Variants in RBFOX1 observed in about 807,000 individuals in gnomAD.
RBFOX1 encodes RNA binding protein fox-1 homolog 1.
RBFOX1 carries 8 observed loss-of-function variants against 57.7 expected under a neutral mutation model. The ratio of observed to expected loss-of-function variants is 0.14; its 90% CI spans 0.08 to 0.25. RBFOX1 has a LOEUF of 0.25. Among genes scored for constraint, RBFOX1 ranks in the 10% least tolerant of loss-of-function variants. The pLI is 1.00. For synonymous variants in RBFOX1, 326 were observed against 222.4 expected (o/e 1.47, Z -4.15); for missense variants, 611 against 548.5 (o/e 1.11, Z -1.14).
chr16:7,499,283 T>C (rs2069807053), intron 4 of RBFOX1, among the ~76,000 whole-genome samples: 3 of 152,186 alleles, frequency 2.0e-5, no homozygotes, highest in Admixed American at 2.0e-4. Context: ...CCCATTCATC[T>C]TCAGATGGTA....
intron 4 of RBFOX1, among the ~76,000 whole-genome samples, chr16:5,919,008 T>C (rs892354661): frequency 7.9e-5 from 12 of 152,182 alleles, no homozygotes; most frequent in Admixed American, 5.9e-4. Flanking sequence ...GCTGTGACCA[T>C]GGGATAATTT....
intron 3 of RBFOX1, among the ~76,000 whole-genome samples, chr16:6,932,733 G>T (rs910023954): frequency 2.6e-5 from 4 of 152,132 alleles, no homozygotes; most frequent in Non-Finnish European, 4.4e-5. Context: ...TTTTTGAGTT[G>T]TGTGAAATAA....
intron 2 of RBFOX1, among the ~76,000 whole-genome samples, chr16:5,518,752 A>G (rs1317509752): frequency 1.3e-5 from 2 of 152,158 alleles, no homozygotes; most frequent in Admixed American, 6.6e-5. Flanking sequence ...CCTGTCCTGC[A>G]TGAGGCACAA....
intron 3 of RBFOX1, among the ~76,000 whole-genome samples, chr16:5,659,377 C>T (rs1477399037): frequency 6.7e-6 from 1 of 150,168 alleles, no homozygotes; most frequent in East Asian, 2.0e-4. Flanking sequence ...CATCCCCGCT[C>T]ACTGCAACCT....
intron 1 of RBFOX1, among the ~76,000 whole-genome samples, chr16:6,263,683 C>T (rs1443612574): frequency 6.6e-6 from 1 of 152,218 alleles, no homozygotes; most frequent in East Asian, 1.9e-4. Flanking sequence ...ATGGTAGTTG[C>T]TCCATTTGTT....
intron 1 of RBFOX1, among the ~76,000 whole-genome samples, chr16:6,299,491 C>T (rs118070356): frequency 1.8e-3 from 279 of 152,286 alleles, no homozygotes; most frequent in Middle Eastern, 3.4e-3. Flanking sequence ...AGCGCCAGCA[C>T]ATGGTGAAGC....
At position 6,966,761 on chromosome 16, in the gene RBFOX1, G is replaced by GTCTATCTA. The variant is rs57023399; in HGVS notation, c.-15-85272_-15-85265dup. On this transcript the variant is annotated intron_variant, in intron 3 of 15. Coordinates refer to ENST00000550418, the MANE Select transcript of RBFOX1 (RefSeq NM_018723.4). Reference sequence around the variant, plus strand: ...TCTGCCTGCCTCTATCTGTCTGTCTGTCTATCTATCTATCTATCTATCTAT... The same window carrying GTCTATCTA: ...TCTGCCTGCCTCTATCTGTCTGTCTGTCTATCTATCTATCTATCTATCTATCTATCTAT... 2.9e-4 allele frequency among the ~76,000 whole-genome samples: 44 copies of GTCTATCTA among 149,222 alleles called. No individual in the cohort carries two copies. The East Asian group carries it at 3.0e-3, about 10-fold the overall frequency.
intron 3 of RBFOX1, among the ~76,000 whole-genome samples, chr16:6,984,061 A>G (rs974744110): frequency 3.9e-5 from 6 of 152,160 alleles, no homozygotes; most frequent in African/African-American, 1.4e-4. Flanking sequence ...CTGTCTGATC[A>G]ACATGGAGAA....
intron 4 of RBFOX1, among the ~76,000 whole-genome samples, chr16:5,920,036 TC>T (rs1300851999): frequency 1.3e-5 from 2 of 152,180 alleles, no homozygotes; most frequent in East Asian, 3.9e-4. Flanking sequence ...GGGCTTCACG[TC>T]ATTCTCCTGC....
In RBFOX1 at chr16:7,662,815, T is replaced by A. The variant is rs542783801; in HGVS notation, c.891-2114T>A. On this transcript the variant is annotated intron_variant, in intron 12 of 15. Transcript: ENST00000550418. Reference sequence around the variant, plus strand: ...AGCATTATCTTACGAAACCCTTTCTTGAGGTAGGCACTTACCTATTTTCCC... The same window carrying A: ...AGCATTATCTTACGAAACCCTTTCTAGAGGTAGGCACTTACCTATTTTCCC... Among the ~76,000 whole-genome samples the A allele has an allele frequency of 2.6e-5, 4 of 152,334 alleles. No individual in the cohort carries two copies. The South Asian group carries it at 6.2e-4, about 24-fold the overall frequency.
chr16:7,413,018 G>A (rs1163690712), intron 4 of RBFOX1, among the ~76,000 whole-genome samples: 1 of 151,554 alleles, frequency 6.6e-6, no homozygotes, highest in Non-Finnish European at 1.5e-5. Flanking sequence ...CTCCAGCCCG[G>A]GCGAAAGAGC....
intron 3 of RBFOX1, among the ~76,000 whole-genome samples, chr16:6,751,303 T>A (rs1413789666): frequency 6.6e-6 from 1 of 152,098 alleles, no homozygotes; most frequent in Non-Finnish European, 1.5e-5. Context: ...TTGGCAGTGG[T>A]ACGGGAGAGA....
At chr16:6,408,378 A>G (rs951052536) in intron 2 of RBFOX1, among the ~76,000 whole-genome samples, 1 of 152,102 alleles carries the variant, frequency 6.6e-6, no homozygotes, top group African/African-American at 2.4e-5. Flanking sequence ...TTAATGTATG[A>G]TTTCATTTAG....
At chr16:6,756,548 A>G (rs1283467482) in intron 3 of RBFOX1, among the ~76,000 whole-genome samples, 1 of 152,208 alleles carries the variant, frequency 6.6e-6, no homozygotes, top group African/African-American at 2.4e-5. Flanking sequence ...ATGGGAGCAA[A>G]TATTTGCAAG....
intron 2 of RBFOX1, among the ~76,000 whole-genome samples, chr16:6,471,259 T>A (rs1212437865): frequency 6.6e-6 from 1 of 152,182 alleles, no homozygotes; most frequent in Non-Finnish European, 1.5e-5. Context: ...GAGATCCAAC[T>A]CAAGCATCAT....
intron 12 of RBFOX1, among the ~76,000 whole-genome samples, chr16:7,662,462 C>A (rs138695346): frequency 1.3e-5 from 2 of 152,190 alleles, no homozygotes; most frequent in East Asian, 1.9e-4. Flanking sequence ...CTCCTTCTGA[C>A]GCCTTCTCAT....
chr16:6,387,021 C>G (rs570628688), intron 2 of RBFOX1, among the ~76,000 whole-genome samples: 1 of 152,116 alleles, frequency 6.6e-6, no homozygotes, highest in Non-Finnish European at 1.5e-5. Flanking sequence ...TGACTGGGGT[C>G]ATAGGTTCTG....
At chr16:5,707,811 A>C (rs2051309035) in intron 3 of RBFOX1, among the ~76,000 whole-genome samples, 1 of 152,236 alleles carries the variant, frequency 6.6e-6, no homozygotes, top group South Asian at 2.1e-4. Flanking sequence ...AAGACACTTG[A>C]CAAAGATTTA....
chr16:6,809,823 G>A (rs2154265347), intron 3 of RBFOX1, among the ~76,000 whole-genome samples: 1 of 152,202 alleles, frequency 6.6e-6, no homozygotes, highest in East Asian at 1.9e-4. Flanking sequence ...CCAATTCTCT[G>A]GAAGAGTGCT....
Sources: gnomAD v4.1 joint callset for allele counts (sites outside exome capture counted in the v4.1 genomes callset) on GRCh38, gnomAD v4.1.1 for gene constraint, MANE v1.5 for transcripts, NCBI Gene and HGNC (gene_info 2026-07-23, HGNC 2026-07-21) for gene names.